Variants in EPHA6 observed in about 807,000 individuals in gnomAD.
The protein encoded by EPHA6 is EPH receptor A6.
In EPHA6, 50 loss-of-function variants were observed where a neutral mutation model predicts 112.0. That is an observed-to-expected ratio of 0.45 (90% CI 0.36 to 0.56). EPHA6 has a LOEUF of 0.56. Among genes scored for constraint, EPHA6 ranks in the 20% least tolerant of loss-of-function variants. The pLI is 0.00. For synonymous variants in EPHA6, 529 were observed against 490.7 expected (o/e 1.08, Z -1.03); for missense variants, 1,280 against 1,417.4 (o/e 0.90, Z 1.56).
At chr3:96,853,015 C>T (rs530210134) in intron 1 of EPHA6, among the ~76,000 whole-genome samples, 1 of 152,172 alleles carries the variant, frequency 6.6e-6, no homozygotes, top group African/African-American at 2.4e-5. Context: ...ATGTCTTGTT[C>T]ATGTCATTTT....
At chr3:97,566,592 G>A (rs1300162140) in intron 11 of EPHA6, among the ~76,000 whole-genome samples, 1 of 152,112 alleles carries the variant, frequency 6.6e-6, no homozygotes, top group African/African-American at 2.4e-5. Context: ...TTTTGTCAGG[G>A]CTCTGTTAGT....
intron 3 of EPHA6, among the ~76,000 whole-genome samples, chr3:97,141,162 C>A (rs185330016): frequency 9.2e-5 from 14 of 152,062 alleles, no homozygotes; most frequent in Non-Finnish European, 1.6e-4. Flanking sequence ...TATATGTACC[C>A]AACACTGGAG....
At chr3:96,914,611 G>A (rs2039395123) in intron 2 of EPHA6, among the ~76,000 whole-genome samples, 1 of 152,100 alleles carries the variant, frequency 6.6e-6, no homozygotes, top group South Asian at 2.1e-4. Flanking sequence ...GCTTCATAAT[G>A]TTTGGCAAAG....
intron 3 of EPHA6, among the ~76,000 whole-genome samples, chr3:97,188,958 T>A (rs1248556403): frequency 6.6e-6 from 1 of 151,826 alleles, no homozygotes; most frequent in African/African-American, 2.4e-5. Context: ...AGTTATATTG[T>A]CTGAATTTAA....
chr3:97,694,429 G>T (rs989310618), intron 14 of EPHA6, among the ~76,000 whole-genome samples: 1 of 152,044 alleles, frequency 6.6e-6, no homozygotes, highest in African/African-American at 2.4e-5. Context: ...TAGAGATGGG[G>T]TTTCACCATG....
chr3:97,304,954 G>A (rs922889161), intron 5 of EPHA6, among the ~76,000 whole-genome samples: 1 of 151,812 alleles, frequency 6.6e-6, no homozygotes, highest in Non-Finnish European at 1.5e-5. Context: ...GAACAGAAAG[G>A]CTATAGAATG....
At chr3:97,441,303 A>G (rs2090125458) in intron 6 of EPHA6, 1 of 185,334 alleles carries the variant, frequency 5.4e-6, no homozygotes, top group African/African-American at 2.4e-5. Context: ...GAATGCAAAG[A>G]TAGTTCTGCC....
At chr3:96,829,260 A>AG (rs2033863953) in intron 1 of EPHA6, among the ~76,000 whole-genome samples, 2 of 152,288 alleles carry the variant, frequency 1.3e-5, no homozygotes, top group South Asian at 4.1e-4. Flanking sequence ...GAAACTTAAA[A>AG]GGGAAAAAAA....
chr3:97,437,276 TC>T (rs1361832581), intron 6 of EPHA6, among the ~76,000 whole-genome samples: 11 of 152,068 alleles, frequency 7.2e-5, no homozygotes, highest in Admixed American at 7.2e-4. Flanking sequence ...ATATATTATT[TC>T]CCCCACTTTT....
intron 1 of EPHA6, among the ~76,000 whole-genome samples, chr3:96,826,251 C>T (rs1322697292): frequency 6.6e-6 from 1 of 151,920 alleles, no homozygotes; most frequent in Non-Finnish European, 1.5e-5. Flanking sequence ...TATAACCAGA[C>T]TTTACTGAAT....
At chr3:97,363,170 CAATATATATATATA>C (rs2084470513) in intron 5 of EPHA6, among the ~76,000 whole-genome samples, 4 of 62,636 alleles carry the variant, frequency 6.4e-5, no homozygotes, top group Admixed American at 2.5e-4. Flanking sequence ...ATTGCCCCTG[CAATATATATATATA>C]TATATATATA....
intron 3 of EPHA6, among the ~76,000 whole-genome samples, chr3:97,189,789 A>G (rs1484561837): frequency 1.3e-5 from 2 of 152,132 alleles, no homozygotes; most frequent in African/African-American, 4.8e-5. Flanking sequence ...CTTAGTTCAG[A>G]AACTGTATCT....
intron 2 of EPHA6, among the ~76,000 whole-genome samples, chr3:96,961,185 A>AAGGC (rs2041937043): frequency 6.6e-6 from 1 of 152,232 alleles, no homozygotes; most frequent in Admixed American, 6.5e-5. Flanking sequence ...AAGGGAGGCT[A>AAGGC]CTGTCCTTTA....
chr3:97,274,490 T>A (rs2080000353), intron 5 of EPHA6, among the ~76,000 whole-genome samples: 1 of 152,224 alleles, frequency 6.6e-6, no homozygotes, highest in African/African-American at 2.4e-5. Flanking sequence ...GAAACCTCTT[T>A]CAGCCCATAC....
Position 97,637,993 on chromosome 3 carries a change from C to T in EPHA6, c.2695C>T (p.Leu899=), listed in dbSNP as rs370939525. The T allele has an allele frequency of 6.2e-7, 1 of 1,613,892 alleles. No individual in the cohort carries two copies. ...VHRDLAARNI[L]VNSNLVCKVS... is the part of the protein sequence containing the mutation. Reference sequence around the variant, plus strand: ...TCGAGACCTAGCGGCTCGGAATATACTGGTCAATAGCAACTTAGTATGCAA... The same window carrying T: ...TCGAGACCTAGCGGCTCGGAATATATTGGTCAATAGCAACTTAGTATGCAA... The change falls in exon 14 of 18, where the codon CTG becomes TTG. Residue 899 remains leucine, a synonymous_variant. Coordinates refer to ENST00000389672, the MANE Select transcript of EPHA6 (RefSeq NM_001080448.3).
At chr3:97,423,262 C>T (rs2088827459) in intron 6 of EPHA6, among the ~76,000 whole-genome samples, 1 of 152,170 alleles carries the variant, frequency 6.6e-6, no homozygotes, top group South Asian at 2.1e-4. Flanking sequence ...ACCCCATAAT[C>T]TTTGCCCAAA....
At chr3:97,312,376 C>T (rs1458911886) in intron 5 of EPHA6, among the ~76,000 whole-genome samples, 1 of 151,364 alleles carries the variant, frequency 6.6e-6, no homozygotes, top group Admixed American at 6.6e-5. Context: ...GTGGAGAACA[C>T]GATTAAGTAT....
In EPHA6 at chr3:97,222,191, AATATG is replaced by A. The variant is rs577894931; in HGVS notation, c.1115-4065_1115-4061del. Among the ~76,000 whole-genome samples, 398 of 152,302 alleles carry A rather than the reference AATATG, an allele frequency of 2.6e-3. 3 individuals are homozygous for A. Among genetic ancestry groups the A allele is most frequent in the African/African-American group, 8.6e-3 (357 of 41,568 alleles). On this transcript the variant is annotated intron_variant, in intron 3 of 17. Coordinates refer to ENST00000389672, the MANE Select transcript of EPHA6 (RefSeq NM_001080448.3). ...ACACTCGACACAATAGTTGTAATCT[AATATG>A]ATATGATCTGAGAGTTATATGCTGT... is the stretch of plus-strand genomic sequence containing the variant.
chr3:97,563,832 T>G (rs2093225111), intron 11 of EPHA6, among the ~76,000 whole-genome samples: 1 of 152,196 alleles, frequency 6.6e-6, no homozygotes, highest in African/African-American at 2.4e-5. Flanking sequence ...AATAATGTTT[T>G]TCAACAAATA....
Sources: allele counts gnomAD v4.1 joint callset (sites outside exome capture counted in the v4.1 genomes callset), GRCh38; gene constraint gnomAD v4.1.1; transcripts MANE v1.5; gene names NCBI Gene and HGNC (gene_info 2026-07-23, HGNC 2026-07-21).